The following ADAMTSL1 variants were observed in gnomAD, a reference collection of about 807,000 sequenced individuals.
The protein encoded by ADAMTSL1 is ADAMTS-like protein 1.
A neutral mutation model predicts 201.8 loss-of-function variants in ADAMTSL1; 126 were observed. The ratio of observed to expected loss-of-function variants is 0.62; its 90% CI spans 0.54 to 0.72. ADAMTSL1 has a LOEUF of 0.72. ADAMTSL1 is among the 30% of genes least tolerant of loss of function. ADAMTSL1 has a pLI of 0.00. For synonymous variants in ADAMTSL1, 1,121 were observed against 903.4 expected (o/e 1.24, Z -4.32); for missense variants, 2,679 against 2,277.8 (o/e 1.18, Z -3.59).
At chr9:18,705,899 T>G (rs951236795) in intron 13 of ADAMTSL1, among the ~76,000 whole-genome samples, 4 of 152,224 alleles carry the variant, frequency 2.6e-5, no homozygotes, top group Non-Finnish European at 5.9e-5. Flanking sequence ...GCACAAGTGA[T>G]GGAGTCACAG....
At chr9:18,569,908 C>G (rs1822185293) in intron 3 of ADAMTSL1, among the ~76,000 whole-genome samples, 1 of 152,104 alleles carries the variant, frequency 6.6e-6, no homozygotes, top group South Asian at 2.1e-4. Context: ...GTACATTCTA[C>G]ATTCAGTATT....
chr9:18,416,579 AG>A (rs1818685965), intron 2 of ADAMTSL1, among the ~76,000 whole-genome samples: 1 of 152,054 alleles, frequency 6.6e-6, no homozygotes, highest in African/African-American at 2.4e-5. Flanking sequence ...GGATAGAAAA[AG>A]ATATACCATG....
intron 1 of ADAMTSL1, among the ~76,000 whole-genome samples, chr9:18,119,594 T>A (rs1174491015): frequency 6.6e-6 from 1 of 152,114 alleles, no homozygotes; most frequent in Admixed American, 6.6e-5. Flanking sequence ...TGCATATTTT[T>A]AATATGAGGT....
intron 23 of ADAMTSL1, among the ~76,000 whole-genome samples, chr9:18,844,143 G>GT (rs1305507848): frequency 6.6e-5 from 10 of 152,150 alleles, no homozygotes; most frequent in African/African-American, 2.4e-5. Flanking sequence ...TTTATGCTCT[G>GT]TTTTTTCCCT....
chr9:18,464,340 G>C (rs1467853793), intron 2 of ADAMTSL1, among the ~76,000 whole-genome samples: 1 of 152,174 alleles, frequency 6.6e-6, no homozygotes, highest in Non-Finnish European at 1.5e-5. Context: ...CTAAATCAGA[G>C]ATTTGATTAA....
chr9:18,267,508 C>T (rs1185348288), intron 2 of ADAMTSL1, among the ~76,000 whole-genome samples: 1 of 152,028 alleles, frequency 6.6e-6, no homozygotes, highest in Non-Finnish European at 1.5e-5. Flanking sequence ...TTGTGCATTA[C>T]CATGCTTCAG....
chr9:18,320,666 A>C (rs1318977328), intron 2 of ADAMTSL1, among the ~76,000 whole-genome samples: 2 of 152,204 alleles, frequency 1.3e-5, no homozygotes, highest in African/African-American at 2.4e-5. Flanking sequence ...TTACATTGTG[A>C]GGTGTATAAA....
At chr9:18,848,306 G>A (rs1349889776) in intron 23 of ADAMTSL1, among the ~76,000 whole-genome samples, 1 of 152,220 alleles carries the variant, frequency 6.6e-6, no homozygotes, top group Non-Finnish European at 1.5e-5. Flanking sequence ...AGGGATTGAG[G>A]AGATTTTACA....
chr9:18,345,511 T>C (rs1314569442), intron 2 of ADAMTSL1, among the ~76,000 whole-genome samples: 1 of 152,188 alleles, frequency 6.6e-6, no homozygotes, highest in Non-Finnish European at 1.5e-5. Context: ...TTTGACATTT[T>C]CAGTGATCGA....
At chr9:18,754,942 C>T (rs1183742712) in intron 16 of ADAMTSL1, among the ~76,000 whole-genome samples, 2 of 152,118 alleles carry the variant, frequency 1.3e-5, no homozygotes, top group Admixed American at 1.3e-4. Context: ...AGTAAATCCT[C>T]ACAACAATTC....
chr9:18,769,372 G>A (rs1307753787), intron 16 of ADAMTSL1, among the ~76,000 whole-genome samples: 1 of 152,194 alleles, frequency 6.6e-6, no homozygotes, highest in Non-Finnish European at 1.5e-5. Flanking sequence ...AACTATTCTG[G>A]AAGAAATCAG....
chr9:18,597,391 T>A (rs927958637), intron 4 of ADAMTSL1, among the ~76,000 whole-genome samples: 9 of 152,306 alleles, frequency 5.9e-5, no homozygotes, highest in African/African-American at 2.2e-4. Context: ...TCAGTCATAT[T>A]TCTAATTATT....
chr9:18,395,408 A>G (rs191576571), intron 2 of ADAMTSL1, among the ~76,000 whole-genome samples: 110 of 152,340 alleles, frequency 7.2e-4, no homozygotes, highest in Non-Finnish European at 1.2e-3. Context: ...AAATAAATGC[A>G]CATGCTTTAT....
intron 1 of ADAMTSL1, among the ~76,000 whole-genome samples, chr9:18,076,157 T>G (rs944214049): frequency 6.6e-6 from 1 of 152,254 alleles, no homozygotes. Flanking sequence ...TTCCCGTGGT[T>G]TCACGTTTTA....
chr9:18,429,379 T>C (rs1308605378), intron 2 of ADAMTSL1, among the ~76,000 whole-genome samples: 1 of 152,228 alleles, frequency 6.6e-6, no homozygotes, highest in Non-Finnish European at 1.5e-5. Flanking sequence ...TTGCATTACA[T>C]ACCCTAAAAA....
intron 16 of ADAMTSL1, among the ~76,000 whole-genome samples, chr9:18,762,140 G>T (rs184035930): frequency 1.3e-5 from 2 of 152,114 alleles, no homozygotes; most frequent in East Asian, 1.9e-4. Flanking sequence ...CTAGGCTCTG[G>T]GGAATATAAA....
intron 16 of ADAMTSL1, among the ~76,000 whole-genome samples, chr9:18,759,626 C>T (rs1392460769): frequency 2.0e-5 from 3 of 152,172 alleles, no homozygotes; most frequent in Non-Finnish European, 4.4e-5. Flanking sequence ...TTTGAGGCAG[C>T]AATAAACATA....
chr9:18,328,443 T>A (rs1834910350), intron 2 of ADAMTSL1, among the ~76,000 whole-genome samples: 1 of 152,236 alleles, frequency 6.6e-6, no homozygotes. Flanking sequence ...GGTGTCATTT[T>A]AAATTTCAAG....
At chr9:18,329,048 A>C (rs1834934274) in intron 2 of ADAMTSL1, among the ~76,000 whole-genome samples, 1 of 152,090 alleles carries the variant, frequency 6.6e-6, no homozygotes, top group South Asian at 2.1e-4. Context: ...GCTCATCCCC[A>C]GTGTGAGGAT....
Sources: gnomAD v4.1 joint callset for allele counts (sites outside exome capture counted in the v4.1 genomes callset) on GRCh38, gnomAD v4.1.1 for gene constraint, MANE v1.5 for transcripts, NCBI Gene and HGNC (gene_info 2026-07-23, HGNC 2026-07-21) for gene names.